Variants in GTF2IRD2B observed in about 807,000 individuals in gnomAD.
GTF2IRD2B encodes GTF2I repeat domain containing 2B.
Under a neutral mutation model 55.6 loss-of-function variants are expected in GTF2IRD2B, and 10 were observed. That is an observed-to-expected ratio of 0.18 (90% confidence interval 0.11 to 0.31). The LOEUF (loss-of-function observed/expected upper bound fraction) is 0.31. GTF2IRD2B is among the 10% of genes least tolerant of loss of function. The pLI, the probability that GTF2IRD2B is intolerant of heterozygous loss-of-function variation, is 1.00. For missense variants in GTF2IRD2B, 206 were observed against 802.7 expected (o/e 0.26, Z 8.98); for synonymous variants, 107 against 320.5 (o/e 0.33, Z 7.12).
intron 1 of GTF2IRD2B, among the ~76,000 whole-genome samples, chr7:75,095,598 G>GT (rs1807366467): frequency 8.7e-6 from 1 of 115,602 alleles, no homozygotes; most frequent in African/African-American, 3.1e-5. Context: ...GGCCTTCTTT[G>GT]TTTTTCTCTT....
chr7:75,103,710 C>T (rs1466143847), intron 1 of GTF2IRD2B, among the ~76,000 whole-genome samples: 15 of 150,968 alleles, frequency 9.9e-5, no homozygotes, highest in Non-Finnish European at 2.1e-4. Context: ...TCCTGCAAGG[C>T]TTGCTGCATG....
chr7:75,101,919 T>G (rs1554449580), intron 1 of GTF2IRD2B, among the ~76,000 whole-genome samples: 1 of 142,726 alleles, frequency 7.0e-6, no homozygotes, highest in African/African-American at 2.5e-5. Flanking sequence ...AAAAAGAAAA[T>G]TAAAAAAAAT....
intron 1 of GTF2IRD2B, among the ~76,000 whole-genome samples, chr7:75,105,885 G>A (rs1554450172): frequency 1.2e-4 from 19 of 152,424 alleles, no homozygotes; most frequent in Admixed American, 6.5e-4. Flanking sequence ...CTGCGATCTG[G>A]AACCCAGGCT....
chr7:75,105,302 G>A (rs1260478885), intron 1 of GTF2IRD2B, among the ~76,000 whole-genome samples: 22 of 152,282 alleles, frequency 1.4e-4, no homozygotes, highest in East Asian at 3.8e-4. Flanking sequence ...TCAAGGGTTC[G>A]AGACCAGCCT....
At chr7:75,118,023 C>T (rs1328023424) in intron 3 of GTF2IRD2B, among the ~76,000 whole-genome samples, 2 of 132,492 alleles carry the variant, frequency 1.5e-5, no homozygotes, top group African/African-American at 3.0e-5. Flanking sequence ...GTGGAGGTTG[C>T]AGTGAGCCAA....
intron 1 of GTF2IRD2B, among the ~76,000 whole-genome samples, chr7:75,103,964 A>G (rs1807673081): frequency 6.7e-6 from 1 of 149,864 alleles, no homozygotes; most frequent in Non-Finnish European, 1.5e-5. Flanking sequence ...CCTGGGAGGC[A>G]GAGCTTGCAG....
chr7:75,104,646 A>G (rs1307992042), intron 1 of GTF2IRD2B, among the ~76,000 whole-genome samples: 5 of 152,294 alleles, frequency 3.3e-5, no homozygotes, highest in Non-Finnish European at 7.3e-5. Context: ...TTCCAAAAGA[A>G]TCAGGATGGA....
At chr7:75,127,605 A>T (rs1808568334) in intron 8 of GTF2IRD2B, among the ~76,000 whole-genome samples, 2 of 145,286 alleles carry the variant, frequency 1.4e-5, no homozygotes, top group African/African-American at 5.0e-5. Context: ...GTTGAATGAG[A>T]ACCTGAATTT....
chr7:75,102,045 C>G (rs1238310676), intron 1 of GTF2IRD2B, among the ~76,000 whole-genome samples: 1 of 151,456 alleles, frequency 6.6e-6, no homozygotes, highest in Admixed American at 6.6e-5. Context: ...CTCTGTTGCC[C>G]AGGCTGGAGT....
chr7:75,133,448 T>G (rs2655935), intron 9 of GTF2IRD2B, among the ~76,000 whole-genome samples: 2 of 148,640 alleles, frequency 1.3e-5, no homozygotes, highest in African/African-American at 5.2e-5. Flanking sequence ...GCCCAAGCTG[T>G]TCTCTAACTC....
intron 6 of GTF2IRD2B, among the ~76,000 whole-genome samples, chr7:75,124,508 CG>C (rs1394581521): frequency 7.5e-6 from 1 of 133,746 alleles, no homozygotes; most frequent in Non-Finnish European, 1.6e-5. Context: ...TCTTCTTAGC[CG>C]GGGACTAAAC....
At chr7:75,132,724 T>A (rs1808705598) in intron 8 of GTF2IRD2B, among the ~76,000 whole-genome samples, 2 of 145,500 alleles carry the variant, frequency 1.4e-5, no homozygotes, top group Non-Finnish European at 3.0e-5. Context: ...AGCTAATTTT[T>A]GTAGTTTTAG....
intron 6 of GTF2IRD2B, among the ~76,000 whole-genome samples, chr7:75,124,193 C>A (rs1188761548): frequency 1.3e-5 from 2 of 151,862 alleles, no homozygotes; most frequent in South Asian, 2.1e-4. Flanking sequence ...CATGGTGAAA[C>A]CCCATCCCTA....
chr7:75,093,041 C>G (rs1224574872), intron 1 of GTF2IRD2B, among the ~76,000 whole-genome samples: 1 of 152,304 alleles, frequency 6.6e-6, no homozygotes, highest in Non-Finnish European at 1.5e-5. Context: ...TCCTGATTGG[C>G]CGAGCGGGGG....
chr7:75,105,228 G>T (rs1318145604), intron 1 of GTF2IRD2B, among the ~76,000 whole-genome samples: 29 of 152,400 alleles, frequency 1.9e-4, no homozygotes, highest in Admixed American at 1.8e-3. Context: ...AACAGACCAG[G>T]CATGGTGGCT....
chr7:75,105,356 T>C (rs1186117985), intron 1 of GTF2IRD2B, among the ~76,000 whole-genome samples: 4 of 152,100 alleles, frequency 2.6e-5, no homozygotes, highest in Admixed American at 2.0e-4. Flanking sequence ...ATACAAAAAT[T>C]AGCTGGGTGT....
chr7:75,147,292 G>A (rs1809174735), intron 15 of GTF2IRD2B, among the ~76,000 whole-genome samples: 2 of 151,054 alleles, frequency 1.3e-5, no homozygotes, highest in Admixed American at 1.3e-4. Flanking sequence ...AATTAGCTGG[G>A]CGTGGTGGCA....
At chr7:75,136,057 C>T (rs1178840768) in intron 10 of GTF2IRD2B, among the ~76,000 whole-genome samples, 2 of 78,228 alleles carry the variant, frequency 2.6e-5, no homozygotes, top group African/African-American at 1.5e-4. Flanking sequence ...ACGAGGATTG[C>T]TTGAAACTAG....
chr7:75,113,781 G>GGGGT (rs1554537652), intron 3 of GTF2IRD2B, among the ~76,000 whole-genome samples: 5 of 80,072 alleles, frequency 6.2e-5, no homozygotes, highest in South Asian at 8.8e-4. Context: ...AGGGTATAAG[G>GGGGT]GTGTGTGTGT....
Sources: gnomAD v4.1 joint callset for allele counts (sites outside exome capture counted in the v4.1 genomes callset) on GRCh38, gnomAD v4.1.1 for gene constraint, MANE v1.5 for transcripts, NCBI Gene and HGNC (gene_info 2026-07-23, HGNC 2026-07-21) for gene names.